The following USP54 variants were observed in gnomAD, a reference collection of about 807,000 sequenced individuals.
USP54 encodes the protein ubiquitin specific peptidase 54.
Under a neutral mutation model 170.5 loss-of-function variants are expected in USP54, and 87 were observed. The ratio of observed to expected loss-of-function variants is 0.51; its 90% confidence interval spans 0.43 to 0.61. The LOEUF is 0.61. Ranked by LOEUF, USP54 falls within the 20% of genes least tolerant of loss-of-function variation. USP54 has a pLI of 0.00. For missense variants in USP54, 1,786 were observed against 2,047.8 expected, an observed-to-expected ratio of 0.87 and a Z score of 2.47; for synonymous variants, 655 against 742.8, an observed-to-expected ratio of 0.88 and a Z score of 1.92.
intron 19 of USP54, chr10:73,518,073 A>G (rs2061333027): frequency 1.4e-6 from 1 of 721,710 alleles, no homozygotes; most frequent in South Asian, 6.3e-5. Flanking sequence ...CTTGCAAATT[A>G]GGAAACAAAA....
At chr10:73,548,551 TA>T (rs200811237) in intron 4 of USP54, among the ~76,000 whole-genome samples, 20 of 151,970 alleles carry the variant, frequency 1.3e-4, no homozygotes, top group Admixed American at 5.2e-4. Flanking sequence ...TATGCAGCCT[TA>T]AAAAAAATGA....
At chr10:73,559,727 C>CA (rs376045597) in intron 4 of USP54, among the ~76,000 whole-genome samples, 22,902 of 117,430 alleles carry the variant, frequency 0.2, 2,731 homozygotes, top group East Asian at 0.56. Flanking sequence ...GACTCCATCT[C>CA]AAAAAAAAAA....
At chr10:73,590,532 A>G (rs185751125) in intron 1 of USP54, among the ~76,000 whole-genome samples, 3 of 152,212 alleles carry the variant, frequency 2.0e-5, no homozygotes, top group Non-Finnish European at 4.4e-5. Context: ...ATATTCTTAG[A>G]AGCTCAAAAC....
At chr10:73,585,458 G>A (rs773956881) in intron 1 of USP54, among the ~76,000 whole-genome samples, 13 of 152,188 alleles carry the variant, frequency 8.5e-5, no homozygotes, top group Non-Finnish European at 1.6e-4. Context: ...AAGCCCAGGT[G>A]TCACATGGCG....
chr10:73,622,490 A>G (rs531686645), intron 1 of USP54, among the ~76,000 whole-genome samples: 1 of 151,918 alleles, frequency 6.6e-6, no homozygotes, highest in East Asian at 2.0e-4. Context: ...TGCCCAGCTA[A>G]TTTTTGTATT....
intron 1 of USP54, among the ~76,000 whole-genome samples, chr10:73,607,333 A>G (rs1300155971): frequency 1.3e-5 from 1 of 79,168 alleles, no homozygotes; most frequent in African/African-American, 5.4e-5. Context: ...AAAAAAAAAA[A>G]AAAGAAAAAA....
At chr10:73,610,979 C>T (rs559772321) in intron 1 of USP54, among the ~76,000 whole-genome samples, 1 of 152,246 alleles carries the variant, frequency 6.6e-6, no homozygotes, top group East Asian at 1.9e-4. Flanking sequence ...ATGAATATAA[C>T]AGCTTTTCCT....
At chr10:73,554,107 T>C (rs2070349475) in intron 4 of USP54, among the ~76,000 whole-genome samples, 1 of 152,212 alleles carries the variant, frequency 6.6e-6, no homozygotes, top group Admixed American at 6.5e-5. Flanking sequence ...ACAGCTGTTT[T>C]TTTCTCTCTC....
intron 1 of USP54, among the ~76,000 whole-genome samples, chr10:73,621,383 C>A (rs945929523): frequency 5.5e-5 from 8 of 144,534 alleles, no homozygotes; most frequent in Non-Finnish European, 1.2e-4. Context: ...GGGAAGATCA[C>A]AAGGTCAGGA....
intron 20 of USP54, among the ~76,000 whole-genome samples, chr10:73,509,770 G>T (rs1183283215): frequency 2.0e-5 from 3 of 152,108 alleles, no homozygotes; most frequent in Non-Finnish European, 4.4e-5. Context: ...CACTTTGGGT[G>T]GTTGAGGCGG....
chr10:73,609,427 T>C (rs78887055), intron 1 of USP54, among the ~76,000 whole-genome samples: 13,206 of 152,230 alleles, frequency 0.087, 849 homozygotes, highest in African/African-American at 0.18. Context: ...AACTTTACCA[T>C]GAGGCTGGGT....
chr10:73,624,425 C>T (rs1339012359), intron 1 of USP54: 1 of 143,392 alleles, frequency 7.0e-6, no homozygotes, highest in Non-Finnish European at 1.5e-5. Flanking sequence ...CCAGGCTGGT[C>T]TCGAACTCCT....
chr10:73,500,694 G>A lies in USP54; in HGVS notation c.4456C>T (p.Leu1486=), dbSNP rs1405093598. 2 of 1,605,996 alleles carry A rather than the reference G, an allele frequency of 1.2e-6. No homozygotes were observed. Among genetic ancestry groups the A allele is most frequent in the African/African-American group, 2.7e-5 (2 of 74,112 alleles). ...PQPQFLSPDV[L]MPTMAGEPNR... is the part of the protein sequence containing the mutation. ...GGCTCCCCTGCCATGGTGGGCATCA[G>A]GACATCTGGGGACAGGAACTGTGGT... Residue 1486 remains leucine, a synonymous_variant, in exon 23 of 24, where the codon CTG becomes TTG. Coordinates refer to ENST00000687698, the MANE Select transcript of USP54 (RefSeq NM_001391956.1).
intron 20 of USP54, among the ~76,000 whole-genome samples, chr10:73,514,668 A>C (rs1480001072): frequency 6.6e-6 from 1 of 152,156 alleles, no homozygotes; most frequent in African/African-American, 2.4e-5. Flanking sequence ...CATATCAACC[A>C]GTCCTATCAA....
At chr10:73,530,905 A>G (rs546381010) in intron 12 of USP54, 70 bp from the exon 13 acceptor site, 11 of 1,597,636 alleles carry the variant, frequency 6.9e-6, no homozygotes, top group African/African-American at 1.3e-5. Flanking sequence ...GAACCTACCT[A>G]ATCTCCCTTT....
At chr10:73,543,914 T>C (rs1168881972) in intron 5 of USP54, among the ~76,000 whole-genome samples, 1 of 152,040 alleles carries the variant, frequency 6.6e-6, no homozygotes, top group Non-Finnish European at 1.5e-5. Context: ...ATTTCAAGAA[T>C]GTTATATAAA....
At chr10:73,612,600 G>C (rs945693269) in intron 1 of USP54, among the ~76,000 whole-genome samples, 1 of 152,076 alleles carries the variant, frequency 6.6e-6, no homozygotes, top group Non-Finnish European at 1.5e-5. Context: ...CCAGCACTTA[G>C]GGAGGCCAAG....
intron 3 of USP54, among the ~76,000 whole-genome samples, chr10:73,572,904 C>T (rs139297871): frequency 6.7e-4 from 102 of 152,212 alleles, no homozygotes; most frequent in African/African-American, 2.2e-3. Context: ...GGCCAAGACA[C>T]GGGTAAACAA....
rs770066212 is a variant in USP54 at position 73,543,030 on chromosome 10, T to C, written c.477A>G (p.Thr159=). The change falls in exon 6 of 24, where the codon ACA becomes ACG. Residue 159 remains threonine, a synonymous_variant. Coordinates refer to ENST00000687698, the MANE Select transcript of USP54 (RefSeq NM_001391956.1). ...AGCTAGAGTTCACCTGCTCAAACAA[T>C]GTCATTGCAAATTTCTGATGGGAAA... ...HCISHQKFAM[T]LFEQCVCTSC... is the part of the protein sequence containing the mutation. 1.9e-6 allele frequency: 3 copies of C among 1,614,084 alleles called. No homozygotes were observed. Among genetic ancestry groups the C allele is most frequent in the Non-Finnish European group, 1.7e-6 (2 of 1,179,922 alleles).
Sources: gnomAD v4.1 joint callset for allele counts (sites outside exome capture counted in the v4.1 genomes callset) on GRCh38, gnomAD v4.1.1 for gene constraint, MANE v1.5 for transcripts, NCBI Gene and HGNC (gene_info 2026-07-23, HGNC 2026-07-21) for gene names.